The following TMEM108 variants were observed in gnomAD, a reference collection of about 807,000 sequenced individuals.
TMEM108 encodes the protein cancer/testis antigen 124.
Under a neutral mutation model 35.1 loss-of-function variants are expected in TMEM108, and 12 were observed. That is an observed-to-expected ratio of 0.34 (90% CI 0.22 to 0.55). The LOEUF (loss-of-function observed/expected upper bound fraction) is 0.55. Ranked by LOEUF, TMEM108 falls within the 20% of genes least tolerant of loss-of-function variation. The pLI is 0.89. For missense variants in TMEM108, 680 were observed against 753.3 expected (o/e 0.90, Z 1.14); for synonymous variants, 287 against 308.6 (o/e 0.93, Z 0.73).
At chr3:133,370,069 T>C (rs923065031) in intron 3 of TMEM108, among the ~76,000 whole-genome samples, 18 of 152,168 alleles carry the variant, frequency 1.2e-4, no homozygotes, top group African/African-American at 4.1e-4. Flanking sequence ...GCATCTTATA[T>C]TACTGTAGTG....
At chr3:133,143,382 A>G (rs1011604143) in intron 2 of TMEM108, among the ~76,000 whole-genome samples, 2 of 152,150 alleles carry the variant, frequency 1.3e-5, no homozygotes, top group African/African-American at 2.4e-5. Context: ...TCCCCAGGAT[A>G]TTAAAGTACA....
chr3:133,071,487 A>G (rs992741466), intron 2 of TMEM108, among the ~76,000 whole-genome samples: 9 of 152,226 alleles, frequency 5.9e-5, no homozygotes, highest in South Asian at 2.1e-4. Flanking sequence ...ATATAATCAC[A>G]TTCTGAGGTT....
Position 133,396,988 on chromosome 3 carries a change from C to T in TMEM108, c.*1002C>T, listed in dbSNP as rs745700227. 5.9e-5 allele frequency: 9 copies of T among 152,186 alleles called. No individual in the cohort carries two copies. The highest frequency in any genetic ancestry group is 1.3e-4 in the Non-Finnish European group (9 of 68,032). 9.4% of individuals were successfully genotyped at this position (152,186 alleles called of 1,614,324 possible). ...GAAAAAAAAGATTGCCCAAACAAAT[C>T]ATTTGGGAGAAGACATCATTATACT... On this transcript the variant is annotated 3_prime_UTR_variant, in exon 6 of 6. Coordinates refer to ENST00000321871, the MANE Select transcript of TMEM108 (RefSeq NM_023943.4).
chr3:133,364,896 A>G (rs529904283), intron 3 of TMEM108, among the ~76,000 whole-genome samples: 12 of 152,280 alleles, frequency 7.9e-5, no homozygotes, highest in South Asian at 2.1e-4. Flanking sequence ...CAGGGGGGGA[A>G]GTTGGGCTGC....
At chr3:133,187,019 G>T (rs189047804) in intron 2 of TMEM108, among the ~76,000 whole-genome samples, 1 of 152,064 alleles carries the variant, frequency 6.6e-6, no homozygotes, top group Non-Finnish European at 1.5e-5. Context: ...ACACTATAAC[G>T]TGAAGGAATT....
At chr3:133,053,093 T>C (rs959698781) in intron 2 of TMEM108, among the ~76,000 whole-genome samples, 5 of 152,288 alleles carry the variant, frequency 3.3e-5, no homozygotes, top group African/African-American at 7.2e-5. Context: ...TATTATTCTA[T>C]TGGGATCAGG....
chr3:133,062,856 G>A (rs1341685679), intron 2 of TMEM108, among the ~76,000 whole-genome samples: 1 of 152,184 alleles, frequency 6.6e-6, no homozygotes, highest in East Asian at 1.9e-4. Flanking sequence ...ATGTGTATGA[G>A]TGGAGTGTTG....
intron 1 of TMEM108, among the ~76,000 whole-genome samples, 157 bp downstream of exon 1, chr3:133,038,592 T>C (rs1324762021): frequency 6.6e-6 from 1 of 152,142 alleles, no homozygotes; most frequent in Non-Finnish European, 1.5e-5. Flanking sequence ...TTGGTTTCCC[T>C]TTTCCTATCC....
chr3:133,359,707 A>G (rs187225270), intron 3 of TMEM108, among the ~76,000 whole-genome samples: 99 of 152,356 alleles, frequency 6.5e-4, no homozygotes, highest in African/African-American at 2.3e-3. Flanking sequence ...CAATTAATCC[A>G]TCTGTCAGTC....
chr3:133,211,742 A>G (rs1284542910), intron 2 of TMEM108, among the ~76,000 whole-genome samples: 1 of 152,156 alleles, frequency 6.6e-6, no homozygotes, highest in Non-Finnish European at 1.5e-5. Context: ...CTCCCTCAAC[A>G]AATGCAAATA....
At chr3:133,154,142 T>A (rs566989936) in intron 2 of TMEM108, among the ~76,000 whole-genome samples, 84 of 152,270 alleles carry the variant, frequency 5.5e-4, no homozygotes, top group Non-Finnish European at 1.1e-3. Flanking sequence ...GGTTGTTTGT[T>A]TTTTTCTTGT....
chr3:133,275,534 T>G (rs980535736), intron 3 of TMEM108, among the ~76,000 whole-genome samples: 3 of 152,234 alleles, frequency 2.0e-5, no homozygotes, highest in Non-Finnish European at 4.4e-5. Context: ...TATTGGATAA[T>G]GCAGCCTGGA....
chr3:133,270,750 A>AT (rs1946758739), intron 3 of TMEM108, among the ~76,000 whole-genome samples: 1 of 150,998 alleles, frequency 6.6e-6, no homozygotes, highest in Non-Finnish European at 1.5e-5. Context: ...TGCTGCCAGG[A>AT]TTTTCTCCCT....
intron 3 of TMEM108, among the ~76,000 whole-genome samples, chr3:133,329,965 G>A (rs1048535127): frequency 1.3e-5 from 2 of 152,046 alleles, no homozygotes; most frequent in African/African-American, 2.4e-5. Context: ...TGCAATACAG[G>A]TTCTCCAAGG....
At chr3:133,389,304 T>C (rs1576545325) in intron 4 of TMEM108, 1 of 985,508 alleles carries the variant, frequency 1.0e-6, no homozygotes, top group African/African-American at 1.7e-5. Context: ...CACACTGTGC[T>C]CAGTCAAGCT....
At chr3:133,332,444 A>G (rs2071407449) in intron 3 of TMEM108, among the ~76,000 whole-genome samples, 1 of 152,218 alleles carries the variant, frequency 6.6e-6, no homozygotes, top group Non-Finnish European at 1.5e-5. Context: ...GTTAATGCCC[A>G]CTAAACAGGG....
chr3:133,276,358 T>C (rs1320040227), intron 3 of TMEM108, among the ~76,000 whole-genome samples: 3 of 152,158 alleles, frequency 2.0e-5, no homozygotes, highest in Admixed American at 6.5e-5. Context: ...AGAAAGACCA[T>C]ATAAAGCAGG....
chr3:133,376,337 C>T (rs2072838299), intron 3 of TMEM108, among the ~76,000 whole-genome samples: 2 of 152,166 alleles, frequency 1.3e-5, no homozygotes, highest in Non-Finnish European at 2.9e-5. Flanking sequence ...AGGGCCTGTC[C>T]CTGGGGTCAG....
At chr3:133,145,457 G>T (rs1165842823) in intron 2 of TMEM108, among the ~76,000 whole-genome samples, 1 of 152,126 alleles carries the variant, frequency 6.6e-6, no homozygotes, top group Non-Finnish European at 1.5e-5. Context: ...CTCTTTTTTG[G>T]TTCCGTATGG....
Sources: allele counts gnomAD v4.1 joint callset (sites outside exome capture counted in the v4.1 genomes callset), GRCh38; gene constraint gnomAD v4.1.1; transcripts MANE v1.5; gene names NCBI Gene and HGNC (gene_info 2026-07-23, HGNC 2026-07-21).